The following FBXO45 variants were observed in gnomAD, a reference collection of about 807,000 sequenced individuals.
FBXO45 encodes F-box/SPRY domain-containing protein 1.
A neutral mutation model predicts 25.5 loss-of-function variants in FBXO45; 3 were observed. The ratio of observed to expected loss-of-function variants is 0.12; its 90% CI spans 0.05 to 0.30. FBXO45 has a LOEUF of 0.30. Among genes scored for constraint, FBXO45 ranks in the 10% least tolerant of loss-of-function variants. The pLI is 1.00. For missense variants in FBXO45, 219 were observed against 365.0 expected (o/e 0.60, Z 3.26); for synonymous variants, 155 against 149.8 (o/e 1.03, Z -0.25).
intron 1 of FBXO45, among the ~76,000 whole-genome samples, chr3:196,572,577 T>C (rs1394539781): frequency 5.9e-5 from 9 of 152,132 alleles, no homozygotes; most frequent in Admixed American, 5.2e-4. Context: ...GCAAAGGTGA[T>C]GCTGGTTTGA....
rs1445043161 is a variant in FBXO45 at position 196,577,602 on chromosome 3, A to G, written c.468A>G (p.Ala156=). Residue 156 remains alanine, a synonymous_variant, in exon 2 of 3, where the codon GCA becomes GCG. Transcript: ENST00000311630. ...TKIGFSEGRH[A]WEVWWEGPLG... is the part of the protein sequence containing the mutation. ...TTGGTTTCAGTGAGGGCCGCCATGC[A>G]TGGGAAGTGTGGTGGGAGGGCCCTC... is the stretch of plus-strand genomic sequence containing the variant. 5.0e-6 allele frequency: 8 copies of G among 1,613,822 alleles called. No homozygotes were observed. The highest frequency in any genetic ancestry group is 2.2e-5 in the East Asian group (1 of 44,898).
At position 196,585,054 on chromosome 3, in the gene FBXO45, G is replaced by T. The variant is rs1286804674; in HGVS notation, c.*736G>T. 6.6e-6 allele frequency: 1 copy of T among 152,098 alleles called. No homozygotes were observed. The highest frequency in any genetic ancestry group is 1.5e-5 in the Non-Finnish European group (1 of 68,010). 9.4% of individuals were successfully genotyped at this position (152,098 alleles called of 1,614,324 possible). On this transcript the variant is annotated 3_prime_UTR_variant, in exon 3 of 3. Transcript: ENST00000311630. ...ATTGACTCATTTTGTATTATTTTTG[G>T]CTTACAGTTCCCATAGCTGTTAGAG...
intron 2 of FBXO45, among the ~76,000 whole-genome samples, chr3:196,582,995 T>A (rs1342304115): frequency 6.6e-6 from 1 of 152,190 alleles, no homozygotes; most frequent in Non-Finnish European, 1.5e-5. Flanking sequence ...CACCCCAACA[T>A]AATCTCTATT....
In FBXO45 at chr3:196,568,859, C is replaced by G. The variant is rs1462907857; in HGVS notation, c.-126C>G. 1.4e-6 allele frequency: 1 copy of G among 693,152 alleles called. No homozygotes were observed. Among genetic ancestry groups the G allele is most frequent in the Non-Finnish European group, 1.8e-6 (1 of 562,684 alleles). The allele number at this position is 693,152 out of a possible 1,614,324, so 42.9% of individuals were successfully genotyped here. On this transcript the variant is annotated 5_prime_UTR_variant, in exon 1 of 3. Coordinates refer to ENST00000311630, the MANE Select transcript of FBXO45 (RefSeq NM_001105573.2). Reference sequence around the variant, plus strand: ...GCAGGGGCGGGAGTGGTGGAGGCGCCGGCGGTTGGCACTGACAGGGGCGGT... The same window carrying G: ...GCAGGGGCGGGAGTGGTGGAGGCGCGGGCGGTTGGCACTGACAGGGGCGGT...
intron 1 of FBXO45, among the ~76,000 whole-genome samples, chr3:196,570,995 C>T (rs111879559): frequency 6.6e-6 from 1 of 152,204 alleles, no homozygotes; most frequent in Non-Finnish European, 1.5e-5. Context: ...CAGGCGTGAG[C>T]TCATGCGCCC....
At chr3:196,578,759 A>G (rs1735960302) in intron 2 of FBXO45, among the ~76,000 whole-genome samples, 1 of 152,182 alleles carries the variant, frequency 6.6e-6, no homozygotes, top group Non-Finnish European at 1.5e-5. Flanking sequence ...ACCCAATGCA[A>G]ATTCATAAAC....
chr3:196,581,222 C>CTTT (rs1560319177), intron 2 of FBXO45, among the ~76,000 whole-genome samples: 5 of 75,914 alleles, frequency 6.6e-5, no homozygotes, highest in South Asian at 4.5e-4. Context: ...TTTTCTTTTT[C>CTTT]CTTTTTTTTT....
intron 1 of FBXO45, among the ~76,000 whole-genome samples, chr3:196,576,848 T>G (rs1487198382): frequency 6.6e-6 from 1 of 152,240 alleles, no homozygotes; most frequent in African/African-American, 2.4e-5. Context: ...TACTAAAATT[T>G]TTCATAAACT....
At chr3:196,573,623 T>C (rs974500205) in intron 1 of FBXO45, among the ~76,000 whole-genome samples, 2 of 152,152 alleles carry the variant, frequency 1.3e-5, no homozygotes, top group African/African-American at 2.4e-5. Context: ...ATGAGGAAGA[T>C]GGATGTGTCA....
At position 196,575,757 on chromosome 3, in the gene FBXO45, T is replaced by A. The variant is rs201968729; in HGVS notation, c.319-1696T>A. On this transcript the variant is annotated intron_variant, in intron 1 of 2. Coordinates refer to ENST00000311630, the MANE Select transcript of FBXO45 (RefSeq NM_001105573.2). The stretch of plus-strand genomic sequence containing the variant: ...AGTGGTGTGATTTTGGCTCACTGCA[T>A]CCTCTGCCTCCTGGGCTCAAGCATT... Among the ~76,000 whole-genome samples the A allele has an allele frequency of 1.8e-4, 27 of 151,220 alleles. No individual in the cohort carries two copies. The East Asian group carries it at 4.7e-3, about 26-fold the overall frequency.
At chr3:196,575,193 C>T (rs1461099993) in intron 1 of FBXO45, among the ~76,000 whole-genome samples, 2 of 152,138 alleles carry the variant, frequency 1.3e-5, no homozygotes, top group Admixed American at 1.3e-4. Context: ...TGGTGGCTCA[C>T]GCCTGTAATC....
At chr3:196,577,949 C>G in intron 2 of FBXO45, 140 bp downstream of exon 2, 2 of 441,884 alleles carry the variant, frequency 4.5e-6, no homozygotes, top group Admixed American at 5.2e-5. Context: ...TTTTCAGATA[C>G]CCAGACTTCA....
intron 2 of FBXO45, among the ~76,000 whole-genome samples, chr3:196,578,692 T>C (rs1408702976): frequency 6.6e-6 from 1 of 152,234 alleles, no homozygotes; most frequent in Non-Finnish European, 1.5e-5. Context: ...GTTCATGCTC[T>C]ATATCAAGCT....
chr3:196,581,317 G>A (rs535609446), intron 2 of FBXO45, among the ~76,000 whole-genome samples: 3 of 118,544 alleles, frequency 2.5e-5, no homozygotes, highest in East Asian at 6.0e-4. Flanking sequence ...TGCAGCCACC[G>A]ACTCCCGGGT....
chr3:196,569,319 C>G lies in FBXO45; in HGVS notation c.318+17C>G. On this transcript the variant is annotated intron_variant, in intron 1 of 2. Transcript: ENST00000311630. This position sits in a 1 kb window ranked among gnomAD's most constrained non-coding sequence, Gnocchi z 4.1. ...AAGGCCAAGGTGAGAGAGCCCCGGG[C>G]CACACCGCTGCCCCCAGTCCCGCTC... The G allele has an allele frequency of 2.7e-6, 4 of 1,503,300 alleles. No individual in the cohort carries two copies. The highest frequency in any genetic ancestry group is 1.8e-6 in the Non-Finnish European group (2 of 1,112,930). 93.1% of individuals were successfully genotyped at this position (1,503,300 alleles called of 1,614,324 possible). A position where few individuals can be genotyped will look rare whatever the true frequency, so the allele number is the denominator to read the frequency against.
rs1418728182 is a variant in FBXO45, at chr3:196,587,494, A to G, written c.*3176A>G. 1 of 152,212 alleles carries G rather than the reference A, an allele frequency of 6.6e-6. No homozygotes were observed. The highest frequency in any genetic ancestry group is 2.4e-5 in the African/African-American group (1 of 41,454). 9.4% of individuals were successfully genotyped at this position (152,212 alleles called of 1,614,324 possible). ...CTGCCTTTTAGAATTATTTGACTGG[A>G]GAAAGAGTTTCAAAAATAGCAGAGC... On this transcript the variant is annotated 3_prime_UTR_variant, in exon 3 of 3. Coordinates refer to ENST00000311630, the MANE Select transcript of FBXO45 (RefSeq NM_001105573.2).
At position 196,586,482 on chromosome 3, in the gene FBXO45, G is replaced by A. The variant is rs1736113241; in HGVS notation, c.*2164G>A. On this transcript the variant is annotated 3_prime_UTR_variant, in exon 3 of 3. Coordinates refer to ENST00000311630, the MANE Select transcript of FBXO45 (RefSeq NM_001105573.2). ...CGAATGTCCCATTCGCAAATCATAT[G>A]CAATTGAAGTGAGCAGCATGAGCAT... 2.0e-5 allele frequency: 3 copies of A among 152,286 alleles called. 1 individual carries two copies. The South Asian group carries it at 6.2e-4, about 32-fold the overall frequency. 9.4% of individuals were successfully genotyped at this position (152,286 alleles called of 1,614,324 possible).
intron 1 of FBXO45, 77 bp from the exon 2 acceptor site, chr3:196,577,376 G>C: frequency 9.2e-7 from 1 of 1,087,640 alleles, no homozygotes; most frequent in Non-Finnish European, 1.3e-6. Flanking sequence ...AAAACATACA[G>C]CGTGAAGTTT....
At position 196,589,000 on chromosome 3, in the gene FBXO45, C is replaced by G. The variant is rs1329203804; in HGVS notation, c.*4682C>G. ...TAGAATTTAAATTAGAATTCTGTAT[C>G]TTTATTTTTTGGAATTCTGTTGTTT... On this transcript the variant is annotated 3_prime_UTR_variant, in exon 3 of 3. Transcript: ENST00000311630. This position sits in a 1 kb window ranked among gnomAD's most constrained non-coding sequence, Gnocchi z 4.2. The G allele has an allele frequency of 6.6e-6, 1 of 152,098 alleles. No individual in the cohort carries two copies. The highest frequency in any genetic ancestry group is 1.5e-5 in the Non-Finnish European group (1 of 68,006). 9.4% of individuals were successfully genotyped at this position (152,098 alleles called of 1,614,324 possible). A position where few individuals can be genotyped will look rare whatever the true frequency, so the allele number is the denominator to read the frequency against.
Sources: gnomAD v4.1 joint callset for allele counts (sites outside exome capture counted in the v4.1 genomes callset) on GRCh38, gnomAD v4.1.1 for gene constraint, Gnocchi (gnomAD v3.1) non-coding constraint, MANE v1.5 for transcripts, NCBI Gene and HGNC (gene_info 2026-07-23, HGNC 2026-07-21) for gene names.